The following SGCD variants were observed in gnomAD, a reference collection of about 807,000 sequenced individuals.
SGCD encodes the protein sarcoglycan delta, also known as delta-sarcoglycan.
A neutral mutation model predicts 36.6 loss-of-function variants in SGCD; 18 were observed. The observed-to-expected ratio is 0.49, with a 90% CI of 0.34 to 0.73. The LOEUF (loss-of-function observed/expected upper bound fraction) is 0.73, where lower values mean the gene tolerates loss of function less well. Among genes scored for constraint, SGCD ranks in the 30% least tolerant of loss-of-function variants. The pLI is 0.01. For synonymous variants in SGCD, 133 were observed against 130.6 expected (o/e 1.02, Z -0.12); for missense variants, 387 against 346.7 (o/e 1.12, Z -0.92).
intron 1 of SGCD, among the ~76,000 whole-genome samples, chr5:156,011,689 C>T (rs1268382315): frequency 2.6e-5 from 4 of 152,172 alleles, no homozygotes; most frequent in Admixed American, 2.0e-4. Flanking sequence ...CCACCTACCT[C>T]GGCCTCTGAA....
intron 6 of SGCD, among the ~76,000 whole-genome samples, chr5:156,599,371 A>G (rs1293414240): frequency 2.7e-5 from 4 of 147,280 alleles, no homozygotes; most frequent in Non-Finnish European, 4.4e-5. Flanking sequence ...TTCCATTTGT[A>G]TAGAAAAAGA....
At chr5:156,217,033 G>A (rs777079031) in intron 3 of SGCD, among the ~76,000 whole-genome samples, 5 of 152,104 alleles carry the variant, frequency 3.3e-5, no homozygotes, top group Admixed American at 2.0e-4. Context: ...AGCCCAGATC[G>A]TGCCACTGCA....
At chr5:156,135,867 T>C (rs1762443265) in intron 3 of SGCD, among the ~76,000 whole-genome samples, 1 of 152,186 alleles carries the variant, frequency 6.6e-6, no homozygotes, top group South Asian at 2.1e-4. Flanking sequence ...TCCTGAAGGT[T>C]AGTTTTCAGG....
At chr5:155,813,793 T>C in the SGCD span, among the ~76,000 whole-genome samples, 3 of 152,204 alleles carry the variant, frequency 2.0e-5, no homozygotes, top group Non-Finnish European at 4.4e-5. Context: ...TGAATGTTAG[T>C]TGCAATATAA....
intron 4 of SGCD, among the ~76,000 whole-genome samples, chr5:156,569,192 C>T (rs1381807402): frequency 2.0e-5 from 3 of 152,088 alleles, no homozygotes; most frequent in Non-Finnish European, 4.4e-5. Flanking sequence ...TATTTTTGTA[C>T]CCACCATGTA....
chr5:155,925,271 G>A (rs995774013), intron 1 of SGCD, among the ~76,000 whole-genome samples: 1 of 152,054 alleles, frequency 6.6e-6, no homozygotes, highest in South Asian at 2.1e-4. Context: ...CTTTTGGTTC[G>A]GGGAGTAAAT....
chr5:155,805,912 GAAAC>G, the SGCD span, among the ~76,000 whole-genome samples: 1 of 152,162 alleles, frequency 6.6e-6, no homozygotes, highest in Non-Finnish European at 1.5e-5. Flanking sequence ...TGCCAGGTGG[GAAAC>G]AAACCAAGCT....
At chr5:155,963,042 G>A (rs1157898208) in intron 1 of SGCD, among the ~76,000 whole-genome samples, 1 of 152,030 alleles carries the variant, frequency 6.6e-6, no homozygotes, top group Non-Finnish European at 1.5e-5. Context: ...CCTGAATTTG[G>A]CTCTGAACTA....
chr5:155,836,959 C>G, the SGCD span, among the ~76,000 whole-genome samples: 2 of 152,090 alleles, frequency 1.3e-5, no homozygotes, highest in African/African-American at 2.4e-5. Flanking sequence ...TCACTTACTA[C>G]TCTCAGAATC....
chr5:155,839,680 T>G, the SGCD span, among the ~76,000 whole-genome samples: 1 of 152,244 alleles, frequency 6.6e-6, no homozygotes. Context: ...ATTTATTTAT[T>G]TCATACTCTG....
chr5:156,461,919 T>G (rs1754504247), intron 3 of SGCD, among the ~76,000 whole-genome samples: 1 of 152,202 alleles, frequency 6.6e-6, no homozygotes, highest in Non-Finnish European at 1.5e-5. Context: ...ACCCTAATTG[T>G]ACCTTGAGAC....
chr5:155,925,708 T>G (rs1756982512), intron 1 of SGCD, among the ~76,000 whole-genome samples: 1 of 152,188 alleles, frequency 6.6e-6, no homozygotes, highest in Non-Finnish European at 1.5e-5. Flanking sequence ...CTCAAACTCC[T>G]TGGCTCAAGG....
chr5:156,692,349 G>A (rs960907921), intron 7 of SGCD, among the ~76,000 whole-genome samples: 9 of 152,124 alleles, frequency 5.9e-5, no homozygotes, highest in Non-Finnish European at 8.8e-5. Context: ...TGACAGCGTG[G>A]GGAGATATGG....
chr5:155,932,111 T>C (rs1181950386), intron 1 of SGCD, among the ~76,000 whole-genome samples: 2 of 152,158 alleles, frequency 1.3e-5, no homozygotes, highest in Non-Finnish European at 2.9e-5. Context: ...TTTCAACATA[T>C]GAATTTTGGG....
At chr5:156,162,203 A>G (rs1482477013) in intron 3 of SGCD, among the ~76,000 whole-genome samples, 2 of 151,570 alleles carry the variant, frequency 1.3e-5, no homozygotes, top group Admixed American at 1.3e-4. Context: ...CAGTTTTGCA[A>G]ATAAACACAG....
chr5:156,159,473 A>C (rs1763039014), intron 3 of SGCD, among the ~76,000 whole-genome samples: 1 of 151,594 alleles, frequency 6.6e-6, no homozygotes, highest in South Asian at 2.1e-4. Flanking sequence ...TGAACCACTC[A>C]TAAAAAAAAC....
intron 2 of SGCD, among the ~76,000 whole-genome samples, chr5:156,330,364 A>G (rs993461238): frequency 6.6e-6 from 1 of 152,156 alleles, no homozygotes; most frequent in Non-Finnish European, 1.5e-5. Flanking sequence ...GAGGGAGGAA[A>G]GGTAGAGGTG....
chr5:156,185,212 CTTTT>C lies in SGCD; in HGVS notation c.-44+61210_-44+61213del, dbSNP rs755578762. Among the ~76,000 whole-genome samples the C allele has an allele frequency of 2.1e-3, 238 of 113,216 alleles. 2 individuals are homozygous for C. Among genetic ancestry groups the C allele is most frequent in the Middle Eastern group, 4.5e-3 (1 of 224 alleles). The allele number at this position is 113,216 out of a possible 152,430, so 74.3% of individuals were successfully genotyped here. A position where few individuals can be genotyped will look rare whatever the true frequency, so the allele number is the denominator to read the frequency against. Reference sequence around the variant, plus strand: ...ATGCGTTTCTCCTTCCTTTAATTTTCTTTTTTTTTTTTTTTTTTTTGAGACAGAG... The same window carrying C: ...ATGCGTTTCTCCTTCCTTTAATTTTCTTTTTTTTTTTTTTTTGAGACAGAG... On this transcript the variant is annotated intron_variant, in intron 3 of 9. Transcript: ENST00000517913.
At chr5:156,057,959 G>A (rs4478303) in intron 1 of SGCD, among the ~76,000 whole-genome samples, 56,851 of 145,222 alleles carry the variant, frequency 0.39, 20,296 homozygotes, top group African/African-American at 0.85. Flanking sequence ...AAGGAATCAA[G>A]TTACTCATAT....
Sources: gnomAD v4.1 joint callset for allele counts (sites outside exome capture counted in the v4.1 genomes callset) on GRCh38, gnomAD v4.1.1 for gene constraint, MANE v1.5 for transcripts, NCBI Gene and HGNC (gene_info 2026-07-23, HGNC 2026-07-21) for gene names.